Variants in PI4KA observed in about 807,000 individuals in gnomAD.
The protein encoded by PI4KA is PI4-kinase alpha.
A neutral mutation model predicts 271.4 loss-of-function variants in PI4KA; 122 were observed. The observed-to-expected ratio is 0.45, with a 90% CI of 0.39 to 0.52. PI4KA has a LOEUF of 0.52. Among genes scored for constraint, PI4KA ranks in the 20% least tolerant of loss-of-function variants. The pLI is 0.00. For synonymous variants in PI4KA, 1,041 were observed against 1,078.8 expected, an observed-to-expected ratio of 0.96 and a Z score of 0.69; for missense variants, 1,969 against 2,769.1, an observed-to-expected ratio of 0.71 and a Z score of 6.48.
chr22:20,715,777 A>G (rs893312377), intron 45 of PI4KA, among the ~76,000 whole-genome samples: 10 of 151,878 alleles, frequency 6.6e-5, no homozygotes, highest in African/African-American at 2.4e-4. Context: ...CCCGGCCAAC[A>G]TTGTTTCTTT....
rs775920955 is a variant in PI4KA, at chr22:20,734,538, C to A, written c.3757G>T (p.Ala1253Ser). 7 of 1,613,950 alleles carry A rather than the reference C, an allele frequency of 4.3e-6. No homozygotes were observed. In the East Asian group the frequency reaches 1.3e-4, roughly 31 times the overall value. Reference sequence around the variant, plus strand: ...TCCACCGTCATGTGCCAGGCCCCTGCCATCTCCCGCATGAACTACAGGTAC... The same window carrying A: ...TCCACCGTCATGTGCCAGGCCCCTGACATCTCCCGCATGAACTACAGGTAC... The part of the protein sequence containing the change: ...GVEVPFMREM[A>S]GAWHMTVEQK... The change falls in exon 33 of 55, where the codon GCA becomes TCA. Residue 1253 changes from alanine to serine, a missense_variant. By Grantham distance (99) the Ala-to-Ser change is moderately conservative (BLOSUM62 1). Coordinates refer to ENST00000255882, the MANE Select transcript of PI4KA (RefSeq NM_058004.4).
intron 43 of PI4KA, among the ~76,000 whole-genome samples, chr22:20,719,090 C>T (rs1032376152): frequency 1.1e-4 from 17 of 152,180 alleles, no homozygotes; most frequent in African/African-American, 4.1e-4. Context: ...ACGCTACACA[C>T]GCAGGAAGAA....
Position 20,712,508 on chromosome 22 carries a change from T to G in PI4KA, c.5780A>C (p.Glu1927Ala). The part of the protein sequence containing the change: ...YDYFTRQYGD[E>A]STLAFQQARY... Reference sequence around the variant, plus strand: ...TACCTGCTGGAAGGCCAGAGTGGACTCATCCCCGTACTGGCGTGTGAAGTA... The same window carrying G: ...TACCTGCTGGAAGGCCAGAGTGGACGCATCCCCGTACTGGCGTGTGAAGTA... Residue 1927 changes from glutamate to alanine, a missense_variant, in exon 50 of 55, where the codon GAG (glutamate) becomes GCG (alanine). By Grantham distance (107) the Glu-to-Ala change is moderately radical. Transcript: ENST00000255882. 1 of 1,606,492 alleles carries G rather than the reference T, an allele frequency of 6.2e-7. No individual in the cohort carries two copies. Among genetic ancestry groups the G allele is most frequent in the Non-Finnish European group, 8.5e-7 (1 of 1,177,428 alleles).
chr22:20,852,684 A>G (rs1185441584), intron 1 of PI4KA, among the ~76,000 whole-genome samples: 1 of 152,146 alleles, frequency 6.6e-6, no homozygotes, highest in Non-Finnish European at 1.5e-5. Context: ...TCTTCTTAAC[A>G]TAGCCTCACA....
chr22:20,751,386 C>T lies in PI4KA; in HGVS notation c.3070-10G>A, dbSNP rs1304665083. On this transcript the variant is annotated splice_polypyrimidine_tract_variant and intron_variant, in intron 26 of 54. Coordinates refer to ENST00000255882, the MANE Select transcript of PI4KA (RefSeq NM_058004.4). ...GATCCTTGTGAATATCCTGCAAGCA[C>T]AGCAAGACTCCCTCTTCCAAACTGC... is the stretch of plus-strand genomic sequence containing the variant. 6.2e-7 allele frequency: 1 copy of T among 1,611,326 alleles called. No homozygotes were observed. The highest frequency in any genetic ancestry group is 1.1e-5 in the South Asian group (1 of 90,772).
intron 3 of PI4KA, among the ~76,000 whole-genome samples, chr22:20,828,434 G>A (rs1028766169): frequency 1.3e-5 from 2 of 152,102 alleles, no homozygotes; most frequent in Admixed American, 6.6e-5. Context: ...TCTTGTTCTG[G>A]TTTTCAAGGG....
chr22:20,752,819 A>G, intron 25 of PI4KA, 84 bp downstream of exon 25: 2 of 1,426,952 alleles, frequency 1.4e-6, no homozygotes, highest in Non-Finnish European at 2.0e-6. Flanking sequence ...TAGATTAATA[A>G]TATAAGGATG....
intron 19 of PI4KA, chr22:20,780,110 C>G: frequency 6.2e-7 from 1 of 1,614,188 alleles, no homozygotes; most frequent in South Asian, 1.1e-5. Flanking sequence ...ACAACCACAT[C>G]ATGAAGCTCA....
intron 53 of PI4KA, 71 bp downstream of exon 53, chr22:20,709,837 T>C (rs1925015382): frequency 1.1e-6 from 1 of 873,364 alleles, no homozygotes; most frequent in South Asian, 1.3e-5. Context: ...GAAAGGTACC[T>C]ATCTTGGATG....
At chr22:20,759,394 TTTC>T (rs1223254836) in intron 23 of PI4KA, among the ~76,000 whole-genome samples, 4 of 145,130 alleles carry the variant, frequency 2.8e-5, no homozygotes, top group Non-Finnish European at 6.0e-5. Flanking sequence ...TTCTTTTTCT[TTTC>T]TTTTCTTTTT....
chr22:20,769,668 C>CAAA lies in PI4KA; in HGVS notation c.2329-3978_2329-3976dup, dbSNP rs361824. ...TGGGCGACAGAGCGAGACGCCATTT[C>CAAA]AAAAAAAAAAAAAAATCAAGGTCAG... On this transcript the variant is annotated intron_variant, in intron 19 of 54. Coordinates refer to ENST00000255882, the MANE Select transcript of PI4KA (RefSeq NM_058004.4). 1.8e-3 allele frequency among the ~76,000 whole-genome samples: 223 copies of CAAA among 124,274 alleles called. 1 individual carries two copies. Among genetic ancestry groups the CAAA allele is most frequent in the African/African-American group, 6.1e-3 (213 of 34,656 alleles). 81.5% of individuals were successfully genotyped at this position (124,274 alleles called of 152,430 possible). A position where few individuals can be genotyped will look rare whatever the true frequency, so the allele number is the denominator to read the frequency against.
At chr22:20,712,849 G>C in intron 48 of PI4KA, 52 bp from the exon 49 acceptor site, 1 of 1,550,860 alleles carries the variant, frequency 6.4e-7, no homozygotes, top group South Asian at 1.2e-5. Context: ...TTGCACCCCA[G>C]CAGCTCTTCT....
chr22:20,753,890 G>C (rs978019006), intron 23 of PI4KA, among the ~76,000 whole-genome samples: 4 of 152,096 alleles, frequency 2.6e-5, no homozygotes, highest in Non-Finnish European at 5.9e-5. Flanking sequence ...GTTTCACCAC[G>C]TTGGCCAGGA....
At chr22:20,743,298 C>A (rs1283251038) in intron 30 of PI4KA, among the ~76,000 whole-genome samples, 1 of 151,988 alleles carries the variant, frequency 6.6e-6, no homozygotes, top group Non-Finnish European at 1.5e-5. Context: ...GCATGCGCCA[C>A]CACGCCTGGC....
chr22:20,769,237 T>C (rs902559620), intron 19 of PI4KA, among the ~76,000 whole-genome samples: 1 of 152,228 alleles, frequency 6.6e-6, no homozygotes, highest in African/African-American at 2.4e-5. Flanking sequence ...TGTGAACTTC[T>C]TGGCTCCCTC....
At chr22:20,714,115 C>T (rs1275574537) in intron 47 of PI4KA, among the ~76,000 whole-genome samples, 1 of 152,146 alleles carries the variant, frequency 6.6e-6, no homozygotes. Context: ...AGAGGGGGCA[C>T]GGCCCTGATG....
chr22:20,765,067 A>G (rs368267899), intron 21 of PI4KA, 33 bp downstream of exon 21: 1 of 1,599,426 alleles, frequency 6.3e-7, no homozygotes, highest in Admixed American at 1.7e-5. Flanking sequence ...ATTGGCACAG[A>G]GAGCATGGTA....
At chr22:20,789,392 C>T (rs1187628551) in intron 19 of PI4KA, among the ~76,000 whole-genome samples, 1 of 152,180 alleles carries the variant, frequency 6.6e-6, no homozygotes, top group Non-Finnish European at 1.5e-5. Flanking sequence ...TGCAATGGCA[C>T]AATCCTGGCT....
intron 19 of PI4KA, among the ~76,000 whole-genome samples, chr22:20,785,453 T>C (rs1240845905): frequency 6.6e-6 from 1 of 152,188 alleles, no homozygotes. Flanking sequence ...TTCCTGCCCA[T>C]CCAGCTGGGA....
Sources: gnomAD v4.1 joint callset for allele counts (sites outside exome capture counted in the v4.1 genomes callset) on GRCh38, gnomAD v4.1.1 for gene constraint, MANE v1.5 for transcripts, NCBI Gene and HGNC (gene_info 2026-07-23, HGNC 2026-07-21) for gene names.